Variants in PDK1 observed in about 807,000 individuals in gnomAD.
PDK1 encodes the protein [Pyruvate dehydrogenase (acetyl-transferring)] kinase isozyme 1, mitochondrial.
A neutral mutation model predicts 54.2 loss-of-function variants in PDK1; 39 were observed. The ratio of observed to expected loss-of-function variants is 0.72; its 90% CI spans 0.56 to 0.94. The LOEUF (loss-of-function observed/expected upper bound fraction) is 0.94. Ranked by LOEUF, PDK1 falls within the 40% of genes least tolerant of loss-of-function variation. The probability of loss-of-function intolerance (pLI) is 0.00; values close to 1 mark genes in which losing one functional copy is unlikely to be tolerated. For synonymous variants in PDK1, 221 were observed against 207.1 expected (o/e 1.07, Z -0.58); for missense variants, 552 against 566.0 (o/e 0.98, Z 0.25).
chr2:172,618,382 A>G, the PDK1 span, among the ~76,000 whole-genome samples: 1 of 152,252 alleles, frequency 6.6e-6, no homozygotes, highest in Non-Finnish European at 1.5e-5. Context: ...GTAGATGGCA[A>G]GGATACATTG....
At chr2:172,612,950 G>A (rs898830391), downstream of PDK1, among the ~76,000 whole-genome samples, 5 of 152,184 alleles carry the variant, frequency 3.3e-5, no homozygotes, top group African/African-American at 7.2e-5. Flanking sequence ...ATGAGCCACC[G>A]CACCCGGCCC....
the PDK1 span, among the ~76,000 whole-genome samples, chr2:172,662,614 C>A: frequency 3.3e-5 from 5 of 151,650 alleles, no homozygotes; most frequent in Non-Finnish European, 7.4e-5. Flanking sequence ...TTCACCAGTC[C>A]TCAATGATTG....
the PDK1 span, among the ~76,000 whole-genome samples, chr2:172,703,140 G>A: frequency 2.0e-5 from 3 of 152,170 alleles, no homozygotes; most frequent in Non-Finnish European, 2.9e-5. Flanking sequence ...AGAGGAGAAG[G>A]CAATATGAAG....
rs1284085220 is a variant in PDK1 at position 172,566,860 on chromosome 2, C to G, written c.696C>G (p.Gly232=). The G allele has an allele frequency of 1.0e-5, 16 of 1,603,452 alleles. No homozygotes were observed. The Admixed American group carries it at 2.5e-4, about 25-fold the overall frequency. Residue 232 remains glycine, a synonymous_variant, in exon 6 of 11, where the codon GGC becomes GGG. Coordinates refer to ENST00000282077, the MANE Select transcript of PDK1 (RefSeq NM_002610.5). ...NCNVLEVIKD[G]YENARRLCDL... is the part of the protein sequence containing the mutation. ...TTTTGTTTTGATTCACACTAGATGG[C>G]TATGAAAATGCTAGGCGTCTGTGTG... is the stretch of plus-strand genomic sequence containing the variant.
chr2:172,588,177 C>A (rs1014462264), intron 9 of PDK1, among the ~76,000 whole-genome samples: 1 of 152,186 alleles, frequency 6.6e-6, no homozygotes, highest in Non-Finnish European at 1.5e-5. Flanking sequence ...GGCAGACAGA[C>A]AATGTCAAAT....
At chr2:172,564,894 G>T in intron 4 of PDK1, 84 bp from the exon 5 acceptor site, 1 of 1,009,784 alleles carries the variant, frequency 9.9e-7, no homozygotes, top group South Asian at 1.4e-5. Flanking sequence ...TGTTCTGTTT[G>T]GTACAATTTA....
At chr2:172,616,473 A>C in the PDK1 span, among the ~76,000 whole-genome samples, 1 of 152,228 alleles carries the variant, frequency 6.6e-6, no homozygotes, top group South Asian at 2.1e-4. Context: ...CCATAAACTA[A>C]AAAAACCAAC....
intron 8 of PDK1, among the ~76,000 whole-genome samples, chr2:172,578,960 G>A (rs908006661): frequency 2.0e-5 from 3 of 152,154 alleles, no homozygotes; most frequent in Non-Finnish European, 4.4e-5. Context: ...GTTAACAACT[G>A]TGCCTTAACC....
At chr2:172,615,271 ACT>A in the PDK1 span, among the ~76,000 whole-genome samples, 91 of 152,322 alleles carry the variant, frequency 6.0e-4, no homozygotes, top group Non-Finnish European at 9.6e-4. Context: ...AAACAGCAGC[ACT>A]GTTTGAGTTG....
In PDK1 at chr2:172,602,281, G is replaced by A. The variant is rs1691141428; in HGVS notation, c.*6312G>A. 6.6e-6 allele frequency: 1 copy of A among 152,146 alleles called. No homozygotes were observed. Among genetic ancestry groups the A allele is most frequent in the African/African-American group, 2.4e-5 (1 of 41,430 alleles). 9.4% of individuals were successfully genotyped at this position (152,146 alleles called of 1,614,324 possible). A position where few individuals can be genotyped will look rare whatever the true frequency, so the allele number is the denominator to read the frequency against. The stretch of plus-strand genomic sequence containing the variant: ...TGAATGTAGCAGTGCATAAAATATT[G>A]TATCATGAGCAAAAGGAGAATCTTT... On this transcript the variant is annotated 3_prime_UTR_variant, in exon 11 of 11. Coordinates refer to ENST00000282077, the MANE Select transcript of PDK1 (RefSeq NM_002610.5).
rs1242591952 is a variant in PDK1 at position 172,607,042 on chromosome 2, A to G, written c.*11073A>G. On this transcript the variant is annotated 3_prime_UTR_variant, in exon 11 of 11. Coordinates refer to ENST00000282077, the MANE Select transcript of PDK1 (RefSeq NM_002610.5). ...GCCTTTAGAAACAGTTTGTGTCTAA[A>G]TTAGCTCTCAGGCATATTGTCTTCA... The G allele has an allele frequency of 6.6e-6, 1 of 152,254 alleles. No individual in the cohort carries two copies. Among genetic ancestry groups the G allele is most frequent in the Non-Finnish European group, 1.5e-5 (1 of 68,052 alleles). 9.4% of individuals were successfully genotyped at this position (152,254 alleles called of 1,614,324 possible). A position where few individuals can be genotyped will look rare whatever the true frequency, so the allele number is the denominator to read the frequency against.
intron 8 of PDK1, among the ~76,000 whole-genome samples, chr2:172,583,881 G>A (rs1690063583): frequency 6.6e-6 from 1 of 152,034 alleles, no homozygotes; most frequent in Admixed American, 6.6e-5. Context: ...ATTTGTTTGT[G>A]TATGACAACT....
downstream of PDK1, among the ~76,000 whole-genome samples, chr2:172,611,540 G>A (rs931638992): frequency 6.6e-6 from 1 of 151,962 alleles, no homozygotes; most frequent in Admixed American, 6.6e-5. Flanking sequence ...AGAACAGGAG[G>A]GAAACACTTC....
chr2:172,560,767 G>A (rs1245884746), intron 2 of PDK1, among the ~76,000 whole-genome samples: 1 of 152,216 alleles, frequency 6.6e-6, no homozygotes, highest in Non-Finnish European at 1.5e-5. Flanking sequence ...AAGATAAGTA[G>A]AGATGTTAAG....
chr2:172,556,137 T>C lies in PDK1; in HGVS notation c.-14T>C, dbSNP rs1688303669. On this transcript the variant is annotated 5_prime_UTR_variant, in exon 1 of 11. Coordinates refer to ENST00000282077, the MANE Select transcript of PDK1 (RefSeq NM_002610.5). ...CCTGGCGTACTGGCTGTGGCTTCTC[T>C]AGCGGGACTCGGCATGAGGCTGGCG... is the stretch of plus-strand genomic sequence containing the variant. The C allele has an allele frequency of 7.1e-7, 1 of 1,401,610 alleles. No homozygotes were observed. Among genetic ancestry groups the C allele is most frequent in the Non-Finnish European group, 9.2e-7 (1 of 1,083,916 alleles). The allele number at this position is 1,401,610 out of a possible 1,614,324, so 86.8% of individuals were successfully genotyped here. A position where few individuals can be genotyped will look rare whatever the true frequency, so the allele number is the denominator to read the frequency against.
the PDK1 span, among the ~76,000 whole-genome samples, chr2:172,639,107 C>T: frequency 6.6e-6 from 1 of 152,158 alleles, no homozygotes; most frequent in Non-Finnish European, 1.5e-5. Context: ...TTCAAGTGAT[C>T]CTTTCACTTC....
the PDK1 span, among the ~76,000 whole-genome samples, chr2:172,714,438 G>GT: frequency 6.6e-6 from 1 of 151,796 alleles, no homozygotes; most frequent in African/African-American, 2.4e-5. Context: ...ATATTTGAAA[G>GT]TTTTTTTAGA....
intron 3 of PDK1, chr2:172,562,809 T>C: frequency 6.2e-7 from 1 of 1,611,218 alleles, no homozygotes; most frequent in Non-Finnish European, 8.5e-7. Flanking sequence ...ATGTAAGTAA[T>C]ATGACAATGT....
At chr2:172,689,378 T>C in the PDK1 span, among the ~76,000 whole-genome samples, 2 of 152,230 alleles carry the variant, frequency 1.3e-5, no homozygotes, top group South Asian at 2.1e-4. Context: ...GAATATTCCA[T>C]GCTCATGGAT....
Sources: gnomAD v4.1 joint callset for allele counts (sites outside exome capture counted in the v4.1 genomes callset) on GRCh38, gnomAD v4.1.1 for gene constraint, MANE v1.5 for transcripts, NCBI Gene and HGNC (gene_info 2026-07-23, HGNC 2026-07-21) for gene names.